SUPT5H: variants seen among roughly 807,000 people sequenced by gnomAD.
SUPT5H encodes transcription elongation factor SPT5.
A neutral mutation model predicts 142.5 loss-of-function variants in SUPT5H; 24 were observed. That is an observed-to-expected ratio of 0.17 (90% CI 0.12 to 0.24). The LOEUF (loss-of-function observed/expected upper bound fraction) is 0.24, where lower values mean the gene tolerates loss of function less well. Ranked by LOEUF, SUPT5H falls within the 10% of genes least tolerant of loss-of-function variation. The probability of loss-of-function intolerance (pLI) is 1.00; values close to 1 mark genes in which losing one functional copy is unlikely to be tolerated. For synonymous variants in SUPT5H, 546 were observed against 553.0 expected (o/e 0.99, Z 0.18); for missense variants, 893 against 1,471.8 (o/e 0.61, Z 6.43).
Position 39,473,361 on chromosome 19 carries a change from G to A in SUPT5H, c.2386+31G>A. 6.2e-7 allele frequency: 1 copy of A among 1,613,540 alleles called. No homozygotes were observed. The highest frequency in any genetic ancestry group is 8.5e-7 in the Non-Finnish European group (1 of 1,179,888). On this transcript the variant is annotated intron_variant, in intron 24 of 29. Coordinates refer to ENST00000432763, the MANE Select transcript of SUPT5H (RefSeq NM_001111020.3). The surrounding 1 kb of genome is among the most constrained non-coding windows in gnomAD (Gnocchi z 5.8). ...TGCCCGCAGGGGACAGGGAAGAGGG[G>A]CTAGGGGGACCTAGAGAAGGGACAG...
At chr19:39,460,019 C>G in intron 10 of SUPT5H, 59 bp downstream of exon 10, 1 of 1,571,146 alleles carries the variant, frequency 6.4e-7, no homozygotes, top group Non-Finnish European at 8.8e-7. Flanking sequence ...GAGGGAAGAA[C>G]ATTGTCAACT....
Position 39,469,038 on chromosome 19 carries a change from C to T in SUPT5H, c.1144-41C>T, listed in dbSNP as rs762918348. The T allele has an allele frequency of 5.0e-6, 8 of 1,611,244 alleles. No homozygotes were observed. Among genetic ancestry groups the T allele is most frequent in the East Asian group, 4.5e-5 (2 of 44,876 alleles). On this transcript the variant is annotated intron_variant, in intron 14 of 29. Transcript: ENST00000432763. The surrounding 1 kb of genome is among the most constrained non-coding windows in gnomAD (Gnocchi z 5.1). ...CTCAGCTGGGCTGTTGCACTGACCTCGGTCCATTTCCTTCTCTTCCCCTCA... is the reference window on the plus strand; with the variant it reads ...CTCAGCTGGGCTGTTGCACTGACCTTGGTCCATTTCCTTCTCTTCCCCTCA...
intron 2 of SUPT5H, among the ~76,000 whole-genome samples, chr19:39,448,565 C>CT (rs954577423): frequency 8.5e-5 from 13 of 152,176 alleles, no homozygotes; most frequent in Admixed American, 2.6e-4. Flanking sequence ...CTTGACCCCC[C>CT]ACCCCCGCCG....
intron 2 of SUPT5H, 144 bp from the exon 3 acceptor site, chr19:39,453,212 G>T: frequency 3.2e-6 from 3 of 937,344 alleles, no homozygotes; most frequent in Non-Finnish European, 4.5e-6. Flanking sequence ...GAGAGGCCAG[G>T]CTAGAGTGAA....
In SUPT5H at chr19:39,472,578, C is replaced by CCAGCCCAGCACAGGCACTCAG; in HGVS notation, c.2035+85_2035+86insCAGCCCAGCACAGGCACTCAG. 6.7e-7 allele frequency: 1 copy of CCAGCCCAGCACAGGCACTCAG among 1,494,476 alleles called. No individual in the cohort carries two copies. The highest frequency in any genetic ancestry group is 9.2e-7 in the Non-Finnish European group (1 of 1,084,332). 92.6% of individuals were successfully genotyped at this position (1,494,476 alleles called of 1,614,324 possible). A position where few individuals can be genotyped will look rare whatever the true frequency, so the allele number is the denominator to read the frequency against. On this transcript the variant is annotated intron_variant, in intron 21 of 29. Transcript: ENST00000432763. The surrounding 1 kb of genome is among the most constrained non-coding windows in gnomAD (Gnocchi z 4.2). The stretch of plus-strand genomic sequence containing the variant: ...TGTTCAGCCTACACTCACTGAGTGC[C>CCAGCCCAGCACAGGCACTCAG]TGTGCTGGGCTGGGCACTGCTATTA...
intron 2 of SUPT5H, among the ~76,000 whole-genome samples, chr19:39,450,649 T>C (rs2079009948): frequency 6.6e-6 from 1 of 152,274 alleles, no homozygotes; most frequent in African/African-American, 2.4e-5. Context: ...GTTCATGTTT[T>C]AGATTACAGT....
Position 39,470,009 on chromosome 19 carries a change from G to A in SUPT5H, c.1375-110G>A. The A allele has an allele frequency of 7.0e-7, 1 of 1,426,118 alleles. No individual in the cohort carries two copies. Among genetic ancestry groups the A allele is most frequent in the Non-Finnish European group, 9.6e-7 (1 of 1,043,160 alleles). The allele number at this position is 1,426,118 out of a possible 1,614,324, so 88.3% of individuals were successfully genotyped here. On this transcript the variant is annotated intron_variant, in intron 16 of 29. Coordinates refer to ENST00000432763, the MANE Select transcript of SUPT5H (RefSeq NM_001111020.3). This position sits in a 1 kb window ranked among gnomAD's most constrained non-coding sequence, Gnocchi z 5.8. ...AGGTAGTCTGGGGTGGGTGGTAAGAGCCTGAAGTGGGGTTTTTGAGAACAT... is the reference window on the plus strand; with the variant it reads ...AGGTAGTCTGGGGTGGGTGGTAAGAACCTGAAGTGGGGTTTTTGAGAACAT...
chr19:39,472,943 C>T lies in SUPT5H; in HGVS notation c.2155+14C>T. On this transcript the variant is annotated intron_variant, in intron 22 of 29. Transcript: ENST00000432763. This position sits in a 1 kb window ranked among gnomAD's most constrained non-coding sequence, Gnocchi z 4.2. Reference sequence around the variant, plus strand: ...GGCCCTACAAAGGTGACCTGCGAGGCCTGTGGAGGCCTGGGGAGGGGCATG... The same window carrying T: ...GGCCCTACAAAGGTGACCTGCGAGGTCTGTGGAGGCCTGGGGAGGGGCATG... 2.5e-6 allele frequency: 4 copies of T among 1,611,372 alleles called. No homozygotes were observed. Among genetic ancestry groups the T allele is most frequent in the East Asian group, 2.3e-5 (1 of 44,298 alleles).
At chr19:39,468,114 G>C (rs966595494) in intron 13 of SUPT5H, 3 of 152,624 alleles carry the variant, frequency 2.0e-5, no homozygotes, top group African/African-American at 7.2e-5. Flanking sequence ...CGGAGACTCG[G>C]AACAGGCACT....
chr19:39,474,659 C>T lies in SUPT5H; in HGVS notation c.2965C>T (p.Arg989Trp). ...AACCACTGACATTCAGGTGAAGGTG[C>T]GGGACACCTACCTGGATACACAGGT... ...WVTTDIQVKV[R>W]DTYLDTQVVG... The change falls in exon 28 of 30, where the codon CGG (arginine) becomes TGG (tryptophan). Residue 989 changes from arginine (R) to tryptophan (W), a missense_variant. Arg to Trp is a moderately radical substitution (Grantham distance 101, BLOSUM62 -3). Coordinates refer to ENST00000432763, the MANE Select transcript of SUPT5H (RefSeq NM_001111020.3). This position sits in a 1 kb window ranked among gnomAD's most constrained non-coding sequence, Gnocchi z 6.5. 2.5e-6 allele frequency: 4 copies of T among 1,614,088 alleles called. No homozygotes were observed. The highest frequency in any genetic ancestry group is 3.4e-6 in the Non-Finnish European group (4 of 1,179,992).
At position 39,469,546 on chromosome 19, in the gene SUPT5H, CTCTG is replaced by C; in HGVS notation, c.1374+153_1374+156del. 1.7e-6 allele frequency: 2 copies of C among 1,186,694 alleles called. No individual in the cohort carries two copies. The highest frequency in any genetic ancestry group is 2.4e-6 in the Non-Finnish European group (2 of 844,584). 73.5% of individuals were successfully genotyped at this position (1,186,694 alleles called of 1,614,324 possible). ...CTAGCATTCTCAGGTGCCTGAGAGG[CTCTG>C]TCTGAGTGCAGCTCAGGGTCGGTGG... On this transcript the variant is annotated intron_variant, in intron 16 of 29. Transcript: ENST00000432763. The surrounding 1 kb of genome is among the most constrained non-coding windows in gnomAD (Gnocchi z 5.1).
intron 3 of SUPT5H, among the ~76,000 whole-genome samples, chr19:39,456,247 A>G (rs1328474934): frequency 7.1e-6 from 1 of 141,404 alleles, no homozygotes; most frequent in Non-Finnish European, 1.5e-5. Flanking sequence ...TTTTTTTTTT[A>G]AAGACAGGAT....
rs7359872 is a variant in SUPT5H at position 39,472,096 on chromosome 19, A to G, written c.1951-313A>G. Among the ~76,000 whole-genome samples the G allele has an allele frequency of 0.011, 1,723 of 152,302 alleles. 27 individuals carry two copies. The highest frequency in any genetic ancestry group is 0.04 in the African/African-American group (1,659 of 41,556). On this transcript the variant is annotated intron_variant, in intron 20 of 29. Transcript: ENST00000432763. This position sits in a 1 kb window ranked among gnomAD's most constrained non-coding sequence, Gnocchi z 4.2. ...GCTGTGAAGAAAACAGAATGGGCTC[A>G]GGAGACAGGGAGTGACCAGGGCTGC... is the stretch of plus-strand genomic sequence containing the variant.
At chr19:39,467,550 C>T (rs912622779) in intron 13 of SUPT5H, 1 of 152,250 alleles carries the variant, frequency 6.6e-6, no homozygotes, top group Non-Finnish European at 1.5e-5. Context: ...TAGAAAGTCT[C>T]CTTTCCTGAT....
Position 39,474,800 on chromosome 19 carries a change from G to C in SUPT5H, c.3024+82G>C. On this transcript the variant is annotated intron_variant, in intron 28 of 29. Coordinates refer to ENST00000432763, the MANE Select transcript of SUPT5H (RefSeq NM_001111020.3). The surrounding 1 kb of genome is among the most constrained non-coding windows in gnomAD (Gnocchi z 6.5). ...ACTGGAGACAGACCTGTCCCCAGAT[G>C]GTGACAGCCCAGAGTGGGCAGAGCT... The C allele has an allele frequency of 1.4e-6, 2 of 1,454,202 alleles. No individual in the cohort carries two copies. The highest frequency in any genetic ancestry group is 2.6e-5 in the South Asian group (2 of 77,912). The allele number at this position is 1,454,202 out of a possible 1,614,324, so 90.1% of individuals were successfully genotyped here. A position where few individuals can be genotyped will look rare whatever the true frequency, so the allele number is the denominator to read the frequency against.
Position 39,469,613 on chromosome 19 carries a change from T to A in SUPT5H, c.1374+215T>A. The A allele has an allele frequency of 1.6e-6, 1 of 639,872 alleles. No individual in the cohort carries two copies. Among genetic ancestry groups the A allele is most frequent in the Non-Finnish European group, 2.7e-6 (1 of 372,754 alleles). 39.6% of individuals were successfully genotyped at this position (639,872 alleles called of 1,614,324 possible). A position where few individuals can be genotyped will look rare whatever the true frequency, so the allele number is the denominator to read the frequency against. On this transcript the variant is annotated intron_variant, in intron 16 of 29. Coordinates refer to ENST00000432763, the MANE Select transcript of SUPT5H (RefSeq NM_001111020.3). The surrounding 1 kb of genome is among the most constrained non-coding windows in gnomAD (Gnocchi z 5.1). Reference sequence around the variant, plus strand: ...CCTGGTGGTGTCTGTCTCTGGAGAGTGACTTGGTCTATCTTTTGTTTCTGA... The same window carrying A: ...CCTGGTGGTGTCTGTCTCTGGAGAGAGACTTGGTCTATCTTTTGTTTCTGA...
Position 39,465,039 on chromosome 19 carries a change from A to G in SUPT5H, c.866A>G (p.Asp289Gly). The G allele has an allele frequency of 6.2e-7, 1 of 1,612,854 alleles. No homozygotes were observed. The highest frequency in any genetic ancestry group is 8.5e-7 in the Non-Finnish European group (1 of 1,178,926). The change falls in exon 11 of 30, where the codon GAC becomes GGC. Residue 289 changes from aspartate (D) to glycine (G), a missense_variant. Physicochemically the swap from Asp to Gly is moderately conservative, Grantham distance 94 (BLOSUM62 -1). Coordinates refer to ENST00000432763, the MANE Select transcript of SUPT5H (RefSeq NM_001111020.3). Reference sequence around the variant, plus strand: ...CTCAAGCGGGGCATCTACAAGGATGACATTGCTCAGGTGCCCGGGGCGGGG... The same window carrying G: ...CTCAAGCGGGGCATCTACAAGGATGGCATTGCTCAGGTGCCCGGGGCGGGG... Reference protein sequence around the residue: ...VRLKRGIYKDDIAQVDYVEPS... With the variant: ...VRLKRGIYKDGIAQVDYVEPS...
At chr19:39,449,918 G>C (rs1336097245) in intron 2 of SUPT5H, among the ~76,000 whole-genome samples, 1 of 150,858 alleles carries the variant, frequency 6.6e-6, no homozygotes, top group Non-Finnish European at 1.5e-5. Flanking sequence ...GGGATTACAG[G>C]CATGAGCCAC....
chr19:39,468,727 C>A (rs2079277158), intron 13 of SUPT5H, 29 bp from the exon 14 acceptor site: 1 of 1,599,594 alleles, frequency 6.3e-7, no homozygotes, highest in Non-Finnish European at 8.6e-7. Context: ...ACTCTCCCTT[C>A]TAATCTTCTC....
Sources: allele counts gnomAD v4.1 joint callset (sites outside exome capture counted in the v4.1 genomes callset), GRCh38; gene constraint gnomAD v4.1.1; non-coding constraint Gnocchi (gnomAD v3.1); transcripts MANE v1.5; gene names NCBI Gene and HGNC (gene_info 2026-07-23, HGNC 2026-07-21).